The following TACR1 variants were observed in gnomAD, a reference collection of about 807,000 sequenced individuals.
The protein encoded by TACR1 is tachykinin receptor 1, also known as substance-P receptor.
In TACR1, 25 loss-of-function variants were observed where a neutral mutation model predicts 35.8. That is an observed-to-expected ratio of 0.70 (90% CI 0.51 to 0.98). TACR1 has a LOEUF of 0.98. Among genes scored for constraint, TACR1 ranks in the 50% least tolerant of loss-of-function variants. The probability of loss-of-function intolerance (pLI) is 0.00; values close to 1 mark genes in which losing one functional copy is unlikely to be tolerated. For missense variants in TACR1, 478 were observed against 522.9 expected (o/e 0.91, Z 0.84); for synonymous variants, 195 against 206.7 (o/e 0.94, Z 0.48).
In TACR1 at chr2:75,072,015, ATGTT is replaced by A. The variant is rs1446640175; in HGVS notation, c.585-18264_585-18261del. 7.2e-5 allele frequency among the ~76,000 whole-genome samples: 11 copies of A among 152,270 alleles called. No homozygotes were observed. The South Asian group carries it at 1.0e-3, about 14-fold the overall frequency. On this transcript the variant is annotated intron_variant, in intron 2 of 4. Coordinates refer to ENST00000305249, the MANE Select transcript of TACR1 (RefSeq NM_001058.4). Reference sequence around the variant, plus strand: ...AATAACTGCAGCAAGCGTAGCATAGATGTTTGTTTGTGCTAAGGAGGGACTGGAG... The same window carrying A: ...AATAACTGCAGCAAGCGTAGCATAGATGTTTGTGCTAAGGAGGGACTGGAG...
chr2:75,116,789 A>G (rs1402936624), intron 2 of TACR1, among the ~76,000 whole-genome samples: 1 of 152,118 alleles, frequency 6.6e-6, no homozygotes, highest in Non-Finnish European at 1.5e-5. Context: ...GGGCGCCTGT[A>G]ATCCCAGCTA....
At chr2:75,100,727 T>G (rs1673520000) in intron 2 of TACR1, among the ~76,000 whole-genome samples, 1 of 152,220 alleles carries the variant, frequency 6.6e-6, no homozygotes, top group East Asian at 1.9e-4. Flanking sequence ...AAATATTTGC[T>G]AAGTGAATGA....
chr2:75,058,245 G>T (rs1401463096), intron 2 of TACR1, among the ~76,000 whole-genome samples: 2 of 152,102 alleles, frequency 1.3e-5, no homozygotes, highest in Non-Finnish European at 2.9e-5. Context: ...TGATCTTGAT[G>T]TCTTTTTCAG....
At chr2:75,063,851 T>C (rs1340374055) in intron 2 of TACR1, among the ~76,000 whole-genome samples, 1 of 152,246 alleles carries the variant, frequency 6.6e-6, no homozygotes, top group Non-Finnish European at 1.5e-5. Context: ...TAGAATGTCC[T>C]GAATTTTACT....
intron 2 of TACR1, among the ~76,000 whole-genome samples, chr2:75,073,223 T>C (rs932126778): frequency 2.6e-5 from 4 of 152,248 alleles, no homozygotes; most frequent in Non-Finnish European, 5.9e-5. Context: ...ATTGGAGCTT[T>C]AGGTGTTCCT....
At chr2:75,185,708 G>T (rs763850482) in intron 1 of TACR1, among the ~76,000 whole-genome samples, 3 of 152,126 alleles carry the variant, frequency 2.0e-5, no homozygotes, top group Non-Finnish European at 2.9e-5. Flanking sequence ...CAATATGTTG[G>T]ATCTATATAT....
chr2:75,104,776 T>C (rs1673607325), intron 2 of TACR1, among the ~76,000 whole-genome samples: 1 of 152,046 alleles, frequency 6.6e-6, no homozygotes, highest in African/African-American at 2.4e-5. Context: ...TTCAGGTATA[T>C]GAGAAAAATG....
chr2:75,120,920 A>C, intron 1 of TACR1, 152 bp from the exon 2 acceptor site: 1 of 701,682 alleles, frequency 1.4e-6, no homozygotes, highest in Non-Finnish European at 2.2e-6. Context: ...TCCATATTCT[A>C]CCCTTAAGCT....
chr2:75,163,194 A>G (rs1179700634), intron 1 of TACR1, among the ~76,000 whole-genome samples: 9 of 152,224 alleles, frequency 5.9e-5, no homozygotes, highest in Admixed American at 2.0e-4. Context: ...GAGAGTCCCC[A>G]TTGATTCACA....
At chr2:75,067,548 C>A (rs1339234931) in intron 2 of TACR1, among the ~76,000 whole-genome samples, 1 of 152,162 alleles carries the variant, frequency 6.6e-6, no homozygotes, top group Non-Finnish European at 1.5e-5. Context: ...TAAACAGATA[C>A]ATCAGCAAAT....
intron 1 of TACR1, among the ~76,000 whole-genome samples, chr2:75,191,415 T>C (rs996088475): frequency 6.6e-6 from 1 of 152,084 alleles, no homozygotes; most frequent in Non-Finnish European, 1.5e-5. Context: ...GAAGGGTCCA[T>C]AAGATGGAGG....
intron 2 of TACR1, among the ~76,000 whole-genome samples, chr2:75,113,512 T>TTCC (rs1673791102): frequency 1.3e-5 from 2 of 151,216 alleles, no homozygotes; most frequent in African/African-American, 2.4e-5. Context: ...AACGTTGGCT[T>TTCC]TCCTCCTTTT....
chr2:75,138,968 C>T (rs1016627222), intron 1 of TACR1, among the ~76,000 whole-genome samples: 2 of 151,964 alleles, frequency 1.3e-5, no homozygotes, highest in Non-Finnish European at 1.5e-5. Flanking sequence ...TGAAAAAGAA[C>T]GGTCATGAGA....
chr2:75,151,543 C>T (rs1674670506), intron 1 of TACR1, among the ~76,000 whole-genome samples: 1 of 152,184 alleles, frequency 6.6e-6, no homozygotes, highest in South Asian at 2.1e-4. Context: ...GAACCTTTGC[C>T]TAGATTTAGG....
At chr2:75,061,756 C>T (rs1672677945) in intron 2 of TACR1, among the ~76,000 whole-genome samples, 1 of 152,172 alleles carries the variant, frequency 6.6e-6, no homozygotes, top group Non-Finnish European at 1.5e-5. Context: ...CACAGGATCC[C>T]CATGCTCAAA....
At chr2:75,183,773 C>A (rs890570594) in intron 1 of TACR1, among the ~76,000 whole-genome samples, 1 of 152,202 alleles carries the variant, frequency 6.6e-6, no homozygotes, top group Admixed American at 6.5e-5. Context: ...AATCCTCAAA[C>A]TACTGTGAAG....
At chr2:75,065,622 G>T (rs1672749122) in intron 2 of TACR1, among the ~76,000 whole-genome samples, 1 of 148,840 alleles carries the variant, frequency 6.7e-6, no homozygotes, top group South Asian at 2.2e-4. Flanking sequence ...CACTGGGCTG[G>T]GGTTGGGGGT....
intron 2 of TACR1, among the ~76,000 whole-genome samples, chr2:75,086,834 G>T (rs193039501): frequency 6.6e-6 from 1 of 152,138 alleles, no homozygotes; most frequent in Non-Finnish European, 1.5e-5. Flanking sequence ...TCAGATTCAG[G>T]TACTCTTAGG....
At chr2:75,106,211 T>C (rs1056436879) in intron 2 of TACR1, among the ~76,000 whole-genome samples, 1 of 152,022 alleles carries the variant, frequency 6.6e-6, no homozygotes, top group East Asian at 1.9e-4. Flanking sequence ...AAAGTTAACA[T>C]AAATAATACA....
Sources: gnomAD v4.1 joint callset for allele counts (sites outside exome capture counted in the v4.1 genomes callset) on GRCh38, gnomAD v4.1.1 for gene constraint, MANE v1.5 for transcripts, NCBI Gene and HGNC (gene_info 2026-07-23, HGNC 2026-07-21) for gene names.